The following ADGRL2 variants were observed in gnomAD, a reference collection of about 807,000 sequenced individuals.
ADGRL2 encodes the protein adhesion G protein-coupled receptor L2, also known as calcium-independent alpha-latrotoxin receptor 2.
Under a neutral mutation model 157.4 loss-of-function variants are expected in ADGRL2, and 44 were observed. The observed-to-expected ratio is 0.28, with a 90% CI of 0.22 to 0.36. ADGRL2 has a LOEUF of 0.36. Among genes scored for constraint, ADGRL2 ranks in the 10% least tolerant of loss-of-function variants. The pLI is 1.00. For missense variants in ADGRL2, 1,510 were observed against 1,768.9 expected (o/e 0.85, Z 2.63); for synonymous variants, 585 against 624.7 (o/e 0.94, Z 0.95).
intron 2 of ADGRL2, among the ~76,000 whole-genome samples, chr1:81,576,974 G>T (rs551727729): frequency 3.9e-4 from 59 of 152,178 alleles, no homozygotes; most frequent in African/African-American, 1.4e-3. Context: ...TTCAAGCATG[G>T]TTATCATTTT....
chr1:81,479,211 G>A (rs2078333678), intron 2 of ADGRL2, among the ~76,000 whole-genome samples: 1 of 151,458 alleles, frequency 6.6e-6, no homozygotes, highest in Non-Finnish European at 1.5e-5. Flanking sequence ...GGTGGCTCAT[G>A]CCTGTAATCC....
chr1:81,781,890 T>C (rs2086828298), intron 2 of ADGRL2, among the ~76,000 whole-genome samples: 1 of 152,224 alleles, frequency 6.6e-6, no homozygotes, highest in Non-Finnish European at 1.5e-5. Flanking sequence ...AAGGAAATGT[T>C]TGCACATATA....
intron 2 of ADGRL2, chr1:81,502,151 G>A: frequency 6.3e-7 from 1 of 1,592,908 alleles, no homozygotes; most frequent in South Asian, 1.1e-5. Context: ...ATATTTTCAT[G>A]TGCAGAAAGT....
intron 3 of ADGRL2, among the ~76,000 whole-genome samples, chr1:81,653,341 A>G (rs1458209509): frequency 2.4e-5 from 2 of 84,682 alleles, no homozygotes; most frequent in Non-Finnish European, 4.8e-5. Context: ...TTTCACTTTT[A>G]TCAACAATGT....
intron 3 of ADGRL2, among the ~76,000 whole-genome samples, chr1:81,692,866 G>A (rs2083370653): frequency 6.6e-6 from 1 of 152,094 alleles, no homozygotes; most frequent in Non-Finnish European, 1.5e-5. Flanking sequence ...TGAAAGTTCT[G>A]GTACCACTGG....
intron 2 of ADGRL2, among the ~76,000 whole-genome samples, chr1:81,492,118 GT>G (rs1454512086): frequency 6.6e-6 from 1 of 151,990 alleles, no homozygotes; most frequent in Non-Finnish European, 1.5e-5. Flanking sequence ...TTATAACTTT[GT>G]TTCTTTCTAG....
chr1:81,549,684 C>T (rs2080097952), intron 2 of ADGRL2, among the ~76,000 whole-genome samples: 1 of 152,196 alleles, frequency 6.6e-6, no homozygotes, highest in Admixed American at 6.5e-5. Flanking sequence ...GAAAGCATAA[C>T]ATGTAAACAA....
chr1:81,859,406 C>CT (rs34509135), intron 2 of ADGRL2, among the ~76,000 whole-genome samples: 40,525 of 124,860 alleles, frequency 0.32, 7,159 homozygotes, highest in Middle Eastern at 0.44. Flanking sequence ...AGAATAAAAC[C>CT]TTTTTTTTTT....
chr1:81,966,015 G>T, intron 11 of ADGRL2, 43 bp from the exon 12 acceptor site: 1 of 1,604,294 alleles, frequency 6.2e-7, no homozygotes, highest in African/African-American at 1.3e-5. Flanking sequence ...AACTCTTAAA[G>T]AATCCTTTTT....
intron 3 of ADGRL2, among the ~76,000 whole-genome samples, chr1:81,657,009 C>A (rs1219871695): frequency 0.012 from 1,266 of 108,666 alleles, no homozygotes; most frequent in Middle Eastern, 0.014. Context: ...GACCCTGTCT[C>A]AAAAAAAAAA....
At chr1:81,719,707 G>A (rs911944459) in intron 1 of ADGRL2, among the ~76,000 whole-genome samples, 1 of 151,908 alleles carries the variant, frequency 6.6e-6, no homozygotes, top group Non-Finnish European at 1.5e-5. Context: ...ACTTTTCCAG[G>A]TGCATCATAT....
intron 6 of ADGRL2, among the ~76,000 whole-genome samples, chr1:81,947,655 A>G (rs1377549545): frequency 2.6e-5 from 4 of 152,142 alleles, no homozygotes; most frequent in African/African-American, 7.2e-5. Context: ...CAGATGCCCT[A>G]TTTGGGCCAT....
At chr1:81,760,406 A>T (rs565811272) in intron 1 of ADGRL2, among the ~76,000 whole-genome samples, 1 of 152,268 alleles carries the variant, frequency 6.6e-6, no homozygotes, top group African/African-American at 2.4e-5. Context: ...AGAAAAAGTT[A>T]TCTACAGTAT....
chr1:81,969,408 T>C (rs1373705431), intron 15 of ADGRL2, 21 bp downstream of exon 15: 2 of 1,540,402 alleles, frequency 1.3e-6, no homozygotes, highest in Non-Finnish European at 1.8e-6. Context: ...GTTGAGTTCA[T>C]TGACCTTAGA....
At chr1:81,527,000 T>C (rs1381479685) in intron 2 of ADGRL2, among the ~76,000 whole-genome samples, 1 of 152,258 alleles carries the variant, frequency 6.6e-6, no homozygotes, top group African/African-American at 2.4e-5. Flanking sequence ...TGGATCTGTT[T>C]GGGTGGTATT....
In ADGRL2 at chr1:81,501,930, C is replaced by T. The variant is rs1029287932; in HGVS notation, c.-248+56841C>T. The T allele has an allele frequency of 2.5e-6, 4 of 1,613,880 alleles. 1 individual carries two copies. The highest frequency in any genetic ancestry group is 3.3e-4 in the Middle Eastern group (2 of 6,058). ...TATGCCCAAAAGCTGGTCACGCAGC[C>T]GACTCTCTTTTCCGCCACAGCTGGG... On this transcript the variant is annotated intron_variant, in intron 2 of 24. Transcript: ENST00000370721.
chr1:81,343,279 G>T (rs1185666591), intron 1 of ADGRL2, among the ~76,000 whole-genome samples: 1 of 151,366 alleles, frequency 6.6e-6, no homozygotes, highest in Non-Finnish European at 1.5e-5. Flanking sequence ...TAGTAGGGAC[G>T]GGGTTTTACC....
intron 2 of ADGRL2, among the ~76,000 whole-genome samples, chr1:81,488,091 A>C (rs2078548129): frequency 6.6e-6 from 1 of 152,076 alleles, no homozygotes; most frequent in Non-Finnish European, 1.5e-5. Flanking sequence ...CTTCTAGAGA[A>C]TTTAAAGAAT....
intron 2 of ADGRL2, among the ~76,000 whole-genome samples, chr1:81,903,652 G>A (rs192377593): frequency 9.6e-4 from 144 of 149,852 alleles, no homozygotes; most frequent in Non-Finnish European, 1.9e-3. Context: ...CATAGTAATT[G>A]CTTTGCAAGT....
Sources: allele counts gnomAD v4.1 joint callset (sites outside exome capture counted in the v4.1 genomes callset), GRCh38; gene constraint gnomAD v4.1.1; transcripts MANE v1.5; gene names NCBI Gene and HGNC (gene_info 2026-07-23, HGNC 2026-07-21).